CC2D1B: variants seen among roughly 807,000 people sequenced by gnomAD.
The protein encoded by CC2D1B is coiled-coil and C2 domain-containing protein 1B.
In CC2D1B, 92 loss-of-function variants were observed where a neutral mutation model predicts 110.8. The observed-to-expected ratio is 0.83, with a 90% CI of 0.70 to 0.99. CC2D1B has a LOEUF of 0.99. Among genes scored for constraint, CC2D1B ranks in the 50% least tolerant of loss-of-function variants. CC2D1B has a pLI of 0.00. For missense variants in CC2D1B, 1,136 were observed against 1,089.0 expected (o/e 1.04, Z -0.61); for synonymous variants, 406 against 429.2 (o/e 0.95, Z 0.67).
At chr1:52,353,432 C>T in intron 24 of CC2D1B, 86 bp downstream of exon 24, 1 of 1,528,550 alleles carries the variant, frequency 6.5e-7, no homozygotes, top group African/African-American at 1.4e-5. Context: ...TGAGAAACTC[C>T]TAGGTTTTCT....
At chr1:52,358,042 G>C in intron 13 of CC2D1B, 144 bp from the exon 14 acceptor site, 1 of 1,265,706 alleles carries the variant, frequency 7.9e-7, no homozygotes, top group Non-Finnish European at 1.1e-6. Flanking sequence ...GGTCCTAAAA[G>C]ATCTGAGAGC....
rs1241683532 is a variant in CC2D1B, at chr1:52,360,962, T to C, written c.477+12A>G. On this transcript the variant is annotated intron_variant, in intron 5 of 24. Transcript: ENST00000284376. ...AGCATCAGAGGCACAGGGGCCCTCC[T>C]CCAGAACCCACCTGAGCTGCTGGGG... The C allele has an allele frequency of 1.2e-6, 2 of 1,613,610 alleles. No individual in the cohort carries two copies. The highest frequency in any genetic ancestry group is 1.7e-6 in the Non-Finnish European group (2 of 1,179,946).
intron 21 of CC2D1B, 143 bp downstream of exon 21, chr1:52,355,255 C>T: frequency 1.2e-6 from 1 of 865,158 alleles, no homozygotes; most frequent in Non-Finnish European, 1.8e-6. Context: ...GTTTCTCCAA[C>T]TACAGAAGAA....
rs187965446 is a variant in CC2D1B, at chr1:52,357,154, C to A, written c.1753-28G>T. On this transcript the variant is annotated intron_variant, in intron 15 of 24. Coordinates refer to ENST00000284376, the MANE Select transcript of CC2D1B (RefSeq NM_001330585.2). ...ACCCAGGTCACAAGGCCCCTCGGGC[C>A]CCAAGAGTCAGATTACTCCTCTACC... The A allele has an allele frequency of 4.4e-5, 71 of 1,612,770 alleles. No homozygotes were observed. The Admixed American group carries it at 9.9e-4, about 23-fold the overall frequency.
At chr1:52,356,610 C>T in intron 16 of CC2D1B, 168 bp from the exon 17 acceptor site, 1 of 684,188 alleles carries the variant, frequency 1.5e-6, no homozygotes, top group Non-Finnish European at 2.5e-6. Flanking sequence ...CGTTTCTCTG[C>T]CTACACTTTT....
At chr1:52,361,654 G>C in intron 3 of CC2D1B, 38 bp from the exon 4 acceptor site, 1 of 1,612,904 alleles carries the variant, frequency 6.2e-7, no homozygotes, top group Non-Finnish European at 8.5e-7. Flanking sequence ...GCACAACTCA[G>C]ATAAGTTCAG....
intron 2 of CC2D1B, among the ~76,000 whole-genome samples, chr1:52,363,394 CAA>C (rs60279244): frequency 3.2e-4 from 18 of 56,088 alleles, no homozygotes; most frequent in East Asian, 5.8e-4. Context: ...GACTCCGTCT[CAA>C]AAAAAAAAAA....
intron 1 of CC2D1B, 102 bp from the exon 2 acceptor site, chr1:52,364,736 C>T: frequency 1.6e-6 from 1 of 610,052 alleles, no homozygotes; most frequent in Non-Finnish European, 2.8e-6. Context: ...CCAAAGAAGG[C>T]AATGCTGAAC....
intron 5 of CC2D1B, 167 bp from the exon 6 acceptor site, chr1:52,360,716 A>G (rs1311541759): frequency 9.2e-7 from 1 of 1,091,918 alleles, no homozygotes; most frequent in East Asian, 2.6e-5. Context: ...GCCAGAGGCC[A>G]TGGCAGAGGC....
chr1:52,366,095 G>C lies in CC2D1B; in HGVS notation c.-41C>G, dbSNP rs936725284. On this transcript the variant is annotated 5_prime_UTR_variant, in exon 1 of 25. Coordinates refer to ENST00000284376, the MANE Select transcript of CC2D1B (RefSeq NM_001330585.2). The stretch of plus-strand genomic sequence containing the variant: ...TCGCGGTGAATCCGAGCCAAACCCC[G>C]GCCTTGTCTCACCCGGCACCGCCCT... 2 of 152,236 alleles carry C rather than the reference G, an allele frequency of 1.3e-5. No homozygotes were observed. Among genetic ancestry groups the C allele is most frequent in the Non-Finnish European group, 2.9e-5 (2 of 68,058 alleles). 9.4% of individuals were successfully genotyped at this position (152,236 alleles called of 1,614,324 possible). A position where few individuals can be genotyped will look rare whatever the true frequency, so the allele number is the denominator to read the frequency against.
rs150825231 is a variant in CC2D1B at position 52,361,117 on chromosome 1, C to T, written c.334G>A (p.Val112Ile). The change falls in exon 5 of 25, where the codon GTC becomes ATC. Residue 112 changes from valine to isoleucine, a missense_variant. Coordinates refer to ENST00000284376, the MANE Select transcript of CC2D1B (RefSeq NM_001330585.2). ...DAELLTELQE[V>I]LGVDEETEPL... Reference sequence around the variant, plus strand: ...TCAGTCTCCTCGTCCACACCTAAGACCTCCTGCAGCTCCGTCTAGGGAGAC... The same window carrying T: ...TCAGTCTCCTCGTCCACACCTAAGATCTCCTGCAGCTCCGTCTAGGGAGAC... The T allele has an allele frequency of 3.6e-4, 587 of 1,614,092 alleles. 2 individuals are homozygous for T. The highest frequency in any genetic ancestry group is 2.1e-3 in the Middle Eastern group (13 of 6,062).
Position 52,361,539 on chromosome 1 carries a change from CT to C in CC2D1B, c.291del (p.Leu99TrpfsTer8), listed in dbSNP as rs1646782388. On this transcript the variant is annotated frameshift_variant, in exon 4 of 25. Transcript: ENST00000284376. LOFTEE classifies it high-confidence loss of function. ...AGCAGCTCTGCATCTTCCTCCAGCCCTTCCTCCTCCTCCTCCTCCTCCACAT... is the reference window on the plus strand; with the variant it reads ...AGCAGCTCTGCATCTTCCTCCAGCCCTCCTCCTCCTCCTCCTCCTCCACAT... The part of the protein sequence containing the change: ...MRDVEEEEEE[E>X]GLEEDAELLT... The C allele has an allele frequency of 6.2e-7, 1 of 1,613,986 alleles. No homozygotes were observed. The highest frequency in any genetic ancestry group is 2.2e-5 in the East Asian group (1 of 44,882).
Position 52,359,058 on chromosome 1 carries a change from C to G in CC2D1B, c.1226G>C (p.Arg409Pro). 6.2e-7 allele frequency: 1 copy of G among 1,608,014 alleles called. No individual in the cohort carries two copies. Among genetic ancestry groups the G allele is most frequent in the Non-Finnish European group, 8.5e-7 (1 of 1,180,012 alleles). ...AATGCGCTCATGCATCCGAGCCTTG[C>G]GCTCGTCCCCACCACTCCGGGCCTG... ...GIQARSGGDE[R>P]KARMHERIAK... Residue 409 changes from arginine to proline, a missense_variant, in exon 11 of 25, where the codon CGC becomes CCC. Arg to Pro is a moderately radical substitution (Grantham distance 103). Transcript: ENST00000284376.
chr1:52,354,709 A>G lies in CC2D1B; in HGVS notation c.2340-11T>C. On this transcript the variant is annotated splice_polypyrimidine_tract_variant and intron_variant, in intron 22 of 24. Coordinates refer to ENST00000284376, the MANE Select transcript of CC2D1B (RefSeq NM_001330585.2). ...CTTCTGAAGAAGGACCTGGGGAGTC[A>G]AGAGGCAGCAGAGGATTGGACTGGG... The G allele has an allele frequency of 6.2e-7, 1 of 1,613,986 alleles. No individual in the cohort carries two copies.
At position 52,360,089 on chromosome 1, in the gene CC2D1B, G is replaced by T. The variant is rs751982255; in HGVS notation, c.748C>A (p.Pro250Thr). 1 of 1,584,780 alleles carries T rather than the reference G, an allele frequency of 6.3e-7. No individual in the cohort carries two copies. Among genetic ancestry groups the T allele is most frequent in the Non-Finnish European group, 8.6e-7 (1 of 1,166,346 alleles). The change falls in exon 7 of 25, where the codon CCT becomes ACT. Residue 250 changes from proline to threonine, a missense_variant. By Grantham distance (38) the Pro-to-Thr change is conservative. Coordinates refer to ENST00000284376, the MANE Select transcript of CC2D1B (RefSeq NM_001330585.2). ...RSPETDPPAP[P>T]ALESDNPSQP... ...CTGCAGATACCTGACTCCAAGGCAG[G>T]GGGAGCTGGAGGGTCTGTCTCAGGG...
chr1:52,358,831 T>TG, intron 11 of CC2D1B, 73 bp from the exon 12 acceptor site: 1 of 1,502,762 alleles, frequency 6.7e-7, no homozygotes, highest in Non-Finnish European at 9.0e-7. Flanking sequence ...TGACACACAG[T>TG]GGGGCAAGGA....
In CC2D1B at chr1:52,359,903, C is replaced by T. The variant is rs1178442913; in HGVS notation, c.764-20G>A. The T allele has an allele frequency of 6.2e-7, 1 of 1,603,770 alleles. No individual in the cohort carries two copies. On this transcript the variant is annotated intron_variant, in intron 7 of 24. Transcript: ENST00000284376. ...GGTTGTCTATAAGGAAACAAACAGTCCCCAGAGAGCACATGAGGGTCACAG... is the reference window on the plus strand; with the variant it reads ...GGTTGTCTATAAGGAAACAAACAGTTCCCAGAGAGCACATGAGGGTCACAG...
intron 12 of CC2D1B, 104 bp downstream of exon 12, chr1:52,358,582 A>G (rs1646706035): frequency 2.6e-6 from 4 of 1,562,570 alleles, no homozygotes; most frequent in African/African-American, 1.4e-5. Flanking sequence ...GGCTCCACAG[A>G]GGGGAGGCAG....
chr1:52,359,599 A>T (rs780982703), intron 8 of CC2D1B, 65 bp from the exon 9 acceptor site: 86 of 1,583,468 alleles, frequency 5.4e-5, no homozygotes, highest in Non-Finnish European at 7.1e-5. Flanking sequence ...GGGCTGAAAC[A>T]ACCCCCACTT....
Sources: allele counts gnomAD v4.1 joint callset (sites outside exome capture counted in the v4.1 genomes callset), GRCh38; gene constraint gnomAD v4.1.1; transcripts MANE v1.5; gene names NCBI Gene and HGNC (gene_info 2026-07-23, HGNC 2026-07-21).